RIMS1: variants seen among roughly 807,000 people sequenced by gnomAD.
RIMS1 encodes regulating synaptic membrane exocytosis 1, also known as regulating synaptic membrane exocytosis protein 1.
Under a neutral mutation model 214.1 loss-of-function variants are expected in RIMS1, and 83 were observed. That is an observed-to-expected ratio of 0.39 (90% CI 0.32 to 0.47). The LOEUF is 0.47. RIMS1 is among the 20% of genes least tolerant of loss of function. The probability of loss-of-function intolerance (pLI) is 0.99; values close to 1 mark genes in which losing one functional copy is unlikely to be tolerated. For missense variants in RIMS1, 2,050 were observed against 2,161.8 expected, an observed-to-expected ratio of 0.95 and a Z score of 1.03; for synonymous variants, 793 against 786.8, an observed-to-expected ratio of 1.01 and a Z score of -0.13.
At chr6:72,202,481 C>T (rs1161784666) in intron 6 of RIMS1, among the ~76,000 whole-genome samples, 3 of 150,474 alleles carry the variant, frequency 2.0e-5, no homozygotes, top group African/African-American at 7.3e-5. Context: ...TAGGAACCTC[C>T]CTAATGGCCT....
chr6:72,147,913 A>T (rs1016218174), intron 4 of RIMS1, among the ~76,000 whole-genome samples: 1 of 152,208 alleles, frequency 6.6e-6, no homozygotes, highest in Non-Finnish European at 1.5e-5. Flanking sequence ...CCAACTGGCA[A>T]GAAATTTTAT....
intron 2 of RIMS1, among the ~76,000 whole-genome samples, chr6:71,992,910 C>A (rs1391693253): frequency 6.6e-6 from 1 of 152,168 alleles, no homozygotes; most frequent in Non-Finnish European, 1.5e-5. Flanking sequence ...CTCCACTGGT[C>A]TTGGCCTTCC....
intron 1 of RIMS1, among the ~76,000 whole-genome samples, chr6:71,907,242 T>C (rs1207142408): frequency 6.6e-6 from 1 of 152,198 alleles, no homozygotes; most frequent in East Asian, 1.9e-4. Flanking sequence ...CCTCAGTTTA[T>C]AATCTCATAT....
At chr6:72,176,896 A>G (rs1312788891) in intron 4 of RIMS1, among the ~76,000 whole-genome samples, 1 of 152,210 alleles carries the variant, frequency 6.6e-6, no homozygotes, top group Non-Finnish European at 1.5e-5. Context: ...AATAATAATA[A>G]ATTGTGTTTC....
intron 27 of RIMS1, among the ~76,000 whole-genome samples, chr6:72,311,853 C>A (rs1365383499): frequency 1.3e-5 from 2 of 152,092 alleles, no homozygotes; most frequent in Non-Finnish European, 1.5e-5. Flanking sequence ...CGCCTGTAGT[C>A]CCAGCTACTT....
intron 29 of RIMS1, among the ~76,000 whole-genome samples, chr6:72,355,270 T>C (rs1724405366): frequency 6.6e-6 from 1 of 152,156 alleles, no homozygotes; most frequent in Admixed American, 6.5e-5. Context: ...CTTTCACTAC[T>C]TACATAAAAA....
rs750047238 is a variant in RIMS1 at position 72,182,515 on chromosome 6, G to A, written c.1044G>A (p.Glu348=). The change falls in exon 6 of 34, where the codon GAG becomes GAA. Residue 348 remains glutamate, a synonymous_variant. Transcript: ENST00000521978. The part of the protein sequence containing the change: ...KAADEEKQRK[E]EDYQTRYRSD... Reference sequence around the variant, plus strand: ...CGGATGAGGAAAAGCAAAGAAAAGAGGAGGATTATCAGACCAGGTACCGCA... The same window carrying A: ...CGGATGAGGAAAAGCAAAGAAAAGAAGAGGATTATCAGACCAGGTACCGCA... 5.0e-6 allele frequency: 8 copies of A among 1,588,584 alleles called. 1 individual carries two copies. Among genetic ancestry groups the A allele is most frequent in the South Asian group, 4.5e-5 (4 of 87,936 alleles).
chr6:72,252,795 T>A lies in RIMS1; in HGVS notation c.2733T>A (p.Asp911Glu). 6.4e-7 allele frequency: 1 copy of A among 1,559,162 alleles called. No homozygotes were observed. The highest frequency in any genetic ancestry group is 1.2e-5 in the South Asian group (1 of 84,458). Residue 911 changes from aspartate to glutamate, a missense_variant, in exon 16 of 34, where the codon GAT becomes GAA. By Grantham distance (45) the Asp-to-Glu change is conservative (BLOSUM62 2). Around this residue, in one of 6 missense-constraint regions of RIMS1, gnomAD observed 889 missense variants for 885.5 expected, o/e 1.00. Transcript: ENST00000521978. ...GAATCAGTGATAGTGACATCTCAGATTATGAGGTTGATGATGGTATTGGCG... is the reference window on the plus strand; with the variant it reads ...GAATCAGTGATAGTGACATCTCAGAATATGAGGTTGATGATGGTATTGGCG... ...SQRISDSDIS[D>E]YEVDDGIGVV...
At chr6:72,011,448 G>A (rs1053934515) in intron 2 of RIMS1, among the ~76,000 whole-genome samples, 33 of 152,248 alleles carry the variant, frequency 2.2e-4, no homozygotes, top group African/African-American at 7.2e-4. Flanking sequence ...AACACCAAAA[G>A]CAATGACAAC....
chr6:72,240,915 C>T (rs2066598877), intron 9 of RIMS1, among the ~76,000 whole-genome samples: 1 of 151,996 alleles, frequency 6.6e-6, no homozygotes, highest in Admixed American at 6.6e-5. Flanking sequence ...ACTCAGGAGG[C>T]TGAGGCAGGA....
rs926957509 is a variant in RIMS1 at position 72,161,985 on chromosome 6, G to T, written c.472-17590G>T. On this transcript the variant is annotated intron_variant, in intron 4 of 33. Transcript: ENST00000521978. The stretch of plus-strand genomic sequence containing the variant: ...GTTGACCTGTCAATTGTTGATAGTG[G>T]GGTGTTAAATCTCCCATTATTATTG... 7.1e-5 allele frequency among the ~76,000 whole-genome samples: 10 copies of T among 140,312 alleles called. 2 individuals carry two copies. The highest frequency in any genetic ancestry group is 6.5e-5 in the Non-Finnish European group (4 of 61,804). The allele number at this position is 140,312 out of a possible 152,430, so 92.1% of individuals were successfully genotyped here. A position where few individuals can be genotyped will look rare whatever the true frequency, so the allele number is the denominator to read the frequency against.
intron 2 of RIMS1, among the ~76,000 whole-genome samples, chr6:72,033,114 C>T (rs1054445594): frequency 2.6e-5 from 4 of 152,194 alleles, no homozygotes; most frequent in Non-Finnish European, 5.9e-5. Flanking sequence ...CTGACCCTCC[C>T]GTTTCTTTGT....
intron 29 of RIMS1, among the ~76,000 whole-genome samples, chr6:72,380,599 A>C (rs1258823033): frequency 1.3e-5 from 2 of 152,132 alleles, no homozygotes; most frequent in Non-Finnish European, 2.9e-5. Flanking sequence ...TAAATGTGCT[A>C]TTTTTACTAC....
intron 2 of RIMS1, among the ~76,000 whole-genome samples, chr6:71,980,189 T>C (rs1531801): frequency 0.039 from 5,997 of 152,086 alleles, 251 homozygotes; most frequent in East Asian, 0.16. Context: ...CAAAATATAA[T>C]GGTGGTGTGG....
chr6:72,214,726 CT>C lies in RIMS1; in HGVS notation c.1679-19036del, dbSNP rs922731271. Among the ~76,000 whole-genome samples the C allele has an allele frequency of 1.6e-3, 237 of 145,670 alleles. 1 individual carries two copies. Among genetic ancestry groups the C allele is most frequent in the East Asian group, 7.2e-3 (36 of 5,028 alleles). On this transcript the variant is annotated intron_variant, in intron 6 of 33. Transcript: ENST00000521978. ...CATAGGCTTATATGATTCATGCATT[CT>C]TTTTTTTTTTGGGAGATGGAATCTT...
At chr6:72,146,887 C>T (rs2042835158) in intron 4 of RIMS1, among the ~76,000 whole-genome samples, 1 of 152,010 alleles carries the variant, frequency 6.6e-6, no homozygotes, top group Non-Finnish European at 1.5e-5. Context: ...GATGTAAAAC[C>T]TAGTAAGTTA....
chr6:72,198,579 TAATGTTTG>T (rs1239351847), intron 6 of RIMS1, among the ~76,000 whole-genome samples: 116 of 152,090 alleles, frequency 7.6e-4, no homozygotes, highest in African/African-American at 2.6e-3. Context: ...GAATAAGATC[TAATGTTTG>T]ATAGTAGAGT....
At chr6:72,068,352 CTT>C (rs767970746) in intron 2 of RIMS1, among the ~76,000 whole-genome samples, 1 of 122,992 alleles carries the variant, frequency 8.1e-6, no homozygotes, top group Non-Finnish European at 1.9e-5. Flanking sequence ...TTTGAAACCA[CTT>C]TTTTGTCCAC....
chr6:72,367,608 T>C, intron 29 of RIMS1, among the ~76,000 whole-genome samples: 1 of 152,176 alleles, frequency 6.6e-6, no homozygotes, highest in Non-Finnish European at 1.5e-5. Context: ...TATTCACTGA[T>C]ACTCTGATGT....
Sources: allele counts gnomAD v4.1 joint callset (sites outside exome capture counted in the v4.1 genomes callset), GRCh38; gene constraint gnomAD v4.1.1; regional missense constraint gnomAD v4.1.1; transcripts MANE v1.5; gene names NCBI Gene and HGNC (gene_info 2026-07-23, HGNC 2026-07-21).